Variants in ADCY5 observed in about 807,000 individuals in gnomAD.
ADCY5 encodes the protein adenylate cyclase 5.
A neutral mutation model predicts 119.7 loss-of-function variants in ADCY5; 30 were observed. That is an observed-to-expected ratio of 0.25 (90% CI 0.19 to 0.34). The LOEUF is 0.34. Among genes scored for constraint, ADCY5 ranks in the 10% least tolerant of loss-of-function variants. The pLI is 1.00. For missense variants in ADCY5, 1,324 were observed against 1,775.2 expected, an observed-to-expected ratio of 0.75 and a Z score of 4.57; for synonymous variants, 753 against 762.2, an observed-to-expected ratio of 0.99 and a Z score of 0.20.
intron 13 of ADCY5, 21 bp downstream of exon 13, chr3:123,304,046 G>A (rs780064672): frequency 6.6e-7 from 1 of 1,521,332 alleles, no homozygotes; most frequent in African/African-American, 1.4e-5. Context: ...GGAGGTGCTA[G>A]GAGGTCGTGC....
chr3:123,345,322 G>A (rs1180991652), intron 3 of ADCY5, among the ~76,000 whole-genome samples: 1 of 152,246 alleles, frequency 6.6e-6, no homozygotes, highest in Non-Finnish European at 1.5e-5. Flanking sequence ...TGTGTTGGCC[G>A]AGGCAGGCTG....
At chr3:123,335,486 C>T (rs1941976352) in intron 3 of ADCY5, among the ~76,000 whole-genome samples, 1 of 152,214 alleles carries the variant, frequency 6.6e-6, no homozygotes, top group African/African-American at 2.4e-5. Context: ...GTCACCTGGC[C>T]AAGGCCACAC....
chr3:123,360,823 A>G (rs1406856609), intron 1 of ADCY5, among the ~76,000 whole-genome samples: 4 of 152,362 alleles, frequency 2.6e-5, no homozygotes, highest in East Asian at 3.9e-4. Flanking sequence ...AGCAATATAT[A>G]GTCTGCAAAA....
At chr3:123,406,954 A>G (rs1244813020) in intron 1 of ADCY5, among the ~76,000 whole-genome samples, 1 of 152,050 alleles carries the variant, frequency 6.6e-6, no homozygotes, top group Non-Finnish European at 1.5e-5. Flanking sequence ...GACCTTTTCC[A>G]TCTGGGCACC....
intron 1 of ADCY5, among the ~76,000 whole-genome samples, chr3:123,421,398 C>G (rs1326328449): frequency 6.6e-6 from 1 of 152,230 alleles, no homozygotes; most frequent in Admixed American, 6.5e-5. Flanking sequence ...GATTCAAACT[C>G]AGGTGGTCTT....
intron 1 of ADCY5, among the ~76,000 whole-genome samples, chr3:123,361,670 C>T (rs963746078): frequency 2.6e-5 from 4 of 152,114 alleles, no homozygotes; most frequent in African/African-American, 7.2e-5. Flanking sequence ...ATCCTTTATC[C>T]GAAATGCTAG....
At position 123,300,197 on chromosome 3, in the gene ADCY5, G is replaced by T. The variant is rs1326610329; in HGVS notation, c.2823C>A (p.Leu941=). The T allele has an allele frequency of 6.2e-7, 1 of 1,613,858 alleles. No individual in the cohort carries two copies. The highest frequency in any genetic ancestry group is 8.5e-7 in the Non-Finnish European group (1 of 1,180,034). Residue 941 remains leucine (L), a synonymous_variant, in exon 15 of 21, where the codon CTC becomes CTA. Coordinates refer to ENST00000462833, the MANE Select transcript of ADCY5 (RefSeq NM_183357.3). The part of the protein sequence containing the change: ...GKLVLMLAIE[L]IYVLIVEVPG... ...GCACCTCCACGATGAGCACGTAGATGAGCTCGATGGCCAGCATGAGCACCA... is the reference window on the plus strand; with the variant it reads ...GCACCTCCACGATGAGCACGTAGATTAGCTCGATGGCCAGCATGAGCACCA...
Position 123,291,387 on chromosome 3 carries a change from A to C in ADCY5, c.3064-11T>G, listed in dbSNP as rs763755768. 6.2e-7 allele frequency: 1 copy of C among 1,601,370 alleles called. No individual in the cohort carries two copies. Among genetic ancestry groups the C allele is most frequent in the Admixed American group, 1.7e-5 (1 of 59,526 alleles). The stretch of plus-strand genomic sequence containing the variant: ...TTTCTCCTCTGTGGCCTGAGAGAAA[A>C]AGACTGCAAGTCACCCAGATGCCAA... On this transcript the variant is annotated splice_polypyrimidine_tract_variant and intron_variant, in intron 17 of 20. Transcript: ENST00000462833.
intron 1 of ADCY5, among the ~76,000 whole-genome samples, chr3:123,372,403 C>G (rs114293143): frequency 0.013 from 1,936 of 152,266 alleles, 44 homozygotes; most frequent in African/African-American, 0.045. Flanking sequence ...TATCAGCCCA[C>G]GCATGGCACC....
intron 3 of ADCY5, among the ~76,000 whole-genome samples, chr3:123,337,491 T>C (rs1010990205): frequency 1.3e-5 from 2 of 152,246 alleles, no homozygotes; most frequent in Admixed American, 1.3e-4. Context: ...AAGGAGTCGG[T>C]AGGGCCCTGC....
chr3:123,335,309 C>T (rs1450156538), intron 3 of ADCY5, among the ~76,000 whole-genome samples: 5 of 152,192 alleles, frequency 3.3e-5, no homozygotes, highest in African/African-American at 1.2e-4. Context: ...GTCTCCTCCT[C>T]GTGGGAACTG....
At chr3:123,332,371 T>C (rs1941805178) in intron 4 of ADCY5, among the ~76,000 whole-genome samples, 193 bp downstream of exon 4, 1 of 152,228 alleles carries the variant, frequency 6.6e-6, no homozygotes, top group Non-Finnish European at 1.5e-5. Context: ...TAAGTGTGTC[T>C]CCAGGGCCCA....
At chr3:123,396,069 G>GGAGGGA (rs1559859713) in intron 1 of ADCY5, among the ~76,000 whole-genome samples, 15 of 9,244 alleles carry the variant, frequency 1.6e-3, no homozygotes, top group Non-Finnish European at 1.9e-3. Context: ...AGGGTGGGAG[G>GGAGGGA]GAGAGGGAGG....
At chr3:123,296,322 T>G in intron 16 of ADCY5, 106 bp from the exon 17 acceptor site, 5 of 1,245,702 alleles carry the variant, frequency 4.0e-6, no homozygotes, top group Non-Finnish European at 5.5e-6. Flanking sequence ...CCTCCCACTA[T>G]ACCTTCCCCT....
chr3:123,423,571 C>T (rs1002433177), intron 1 of ADCY5, among the ~76,000 whole-genome samples: 1 of 152,136 alleles, frequency 6.6e-6, no homozygotes, highest in Non-Finnish European at 1.5e-5. Flanking sequence ...GTGCAATACC[C>T]GTTTCTGTCC....
intron 15 of ADCY5, 42 bp downstream of exon 15, chr3:123,300,078 T>G: frequency 6.3e-7 from 1 of 1,599,696 alleles, no homozygotes; most frequent in Non-Finnish European, 8.6e-7. Context: ...CTCCCTGCAA[T>G]GTCTCATGCC....
rs182862531 is a variant in ADCY5, at chr3:123,303,966, C to G, written c.2559+101G>C. On this transcript the variant is annotated intron_variant, in intron 13 of 20. Transcript: ENST00000462833. ...CCAGGTGCGAAACAAATAAGAACTT[C>G]CAGGGAAAGTCTCTCCTAGGCCTGC... is the stretch of plus-strand genomic sequence containing the variant. The G allele has an allele frequency of 1.3e-5, 11 of 828,050 alleles. No homozygotes were observed. The African/African-American group carries it at 1.5e-4, about 11-fold the overall frequency. 51.3% of individuals were successfully genotyped at this position (828,050 alleles called of 1,614,324 possible). A position where few individuals can be genotyped will look rare whatever the true frequency, so the allele number is the denominator to read the frequency against.
At chr3:123,362,044 C>A (rs985669747) in intron 1 of ADCY5, among the ~76,000 whole-genome samples, 10 of 152,134 alleles carry the variant, frequency 6.6e-5, no homozygotes, top group Non-Finnish European at 1.5e-4. Flanking sequence ...ACAGATCTAC[C>A]ATATATTGTT....
At chr3:123,367,619 G>A (rs1943491335) in intron 1 of ADCY5, among the ~76,000 whole-genome samples, 1 of 152,122 alleles carries the variant, frequency 6.6e-6, no homozygotes, top group Non-Finnish European at 1.5e-5. Context: ...GCTGAGGGTG[G>A]TGCCAGCCGT....
Sources: allele counts gnomAD v4.1 joint callset (sites outside exome capture counted in the v4.1 genomes callset), GRCh38; gene constraint gnomAD v4.1.1; transcripts MANE v1.5; gene names NCBI Gene and HGNC (gene_info 2026-07-23, HGNC 2026-07-21).